The following SCD5 variants were observed in gnomAD, a reference collection of about 807,000 sequenced individuals.
SCD5 encodes the protein acyl-CoA-desaturase 4.
In SCD5, 20 loss-of-function variants were observed where a neutral mutation model predicts 30.4. That is an observed-to-expected ratio of 0.66 (90% CI 0.46 to 0.96). The LOEUF (loss-of-function observed/expected upper bound fraction) is 0.96. SCD5 is among the 40% of genes least tolerant of loss of function. SCD5 has a pLI of 0.00. For missense variants in SCD5, 381 were observed against 443.3 expected, an observed-to-expected ratio of 0.86 and a Z score of 1.26; for synonymous variants, 173 against 176.4, an observed-to-expected ratio of 0.98 and a Z score of 0.16.
At chr4:82,695,019 G>C (rs1719668402) in intron 2 of SCD5, among the ~76,000 whole-genome samples, 1 of 152,138 alleles carries the variant, frequency 6.6e-6, no homozygotes, top group Non-Finnish European at 1.5e-5. Context: ...CCCCACTACT[G>C]TTCTGCAGCC....
At chr4:82,764,969 C>G (rs562401266) in intron 1 of SCD5, among the ~76,000 whole-genome samples, 2 of 152,282 alleles carry the variant, frequency 1.3e-5, no homozygotes, top group Admixed American at 1.3e-4. Flanking sequence ...TCAGGTGATC[C>G]ACCCACCTTG....
At chr4:82,635,571 A>G (rs1007366161) in intron 4 of SCD5, among the ~76,000 whole-genome samples, 3 of 150,072 alleles carry the variant, frequency 2.0e-5, no homozygotes, top group Non-Finnish European at 4.4e-5. Flanking sequence ...CAGTGAGCCA[A>G]GATCACGCCA....
intron 2 of SCD5, among the ~76,000 whole-genome samples, chr4:82,690,951 T>G (rs1728819413): frequency 6.6e-6 from 1 of 152,242 alleles, no homozygotes; most frequent in Non-Finnish European, 1.5e-5. Flanking sequence ...ATTAGAGCTG[T>G]GAAGCCAATA....
chr4:82,707,963 C>T (rs951133520), intron 1 of SCD5, among the ~76,000 whole-genome samples: 23 of 152,128 alleles, frequency 1.5e-4, no homozygotes, highest in African/African-American at 5.6e-4. Context: ...CAATAGATAA[C>T]TTGAATACAA....
intron 1 of SCD5, among the ~76,000 whole-genome samples, chr4:82,788,842 G>A (rs764860997): frequency 3.3e-5 from 5 of 152,142 alleles, no homozygotes; most frequent in Non-Finnish European, 4.4e-5. Context: ...GAACTCTGGC[G>A]GCCACCTTGT....
chr4:82,779,088 C>T (rs1168754472), intron 1 of SCD5, among the ~76,000 whole-genome samples: 3 of 151,960 alleles, frequency 2.0e-5, no homozygotes, highest in Non-Finnish European at 4.4e-5. Context: ...TGGTCTCGAA[C>T]TCCCGACCTC....
chr4:82,726,751 CCT>C (rs772572176), intron 1 of SCD5, among the ~76,000 whole-genome samples: 2 of 152,114 alleles, frequency 1.3e-5, no homozygotes, highest in Non-Finnish European at 2.9e-5. Flanking sequence ...TTCTACACCC[CCT>C]GTGAGGCCAC....
chr4:82,660,803 G>C, intron 3 of SCD5: 1 of 1,606,344 alleles, frequency 6.2e-7, no homozygotes, highest in Non-Finnish European at 8.5e-7. Flanking sequence ...AAAAAGGCCT[G>C]GGTGTGGAGT....
chr4:82,784,506 G>A (rs1054403011), intron 1 of SCD5, among the ~76,000 whole-genome samples: 9 of 152,184 alleles, frequency 5.9e-5, no homozygotes, highest in Admixed American at 2.6e-4. Flanking sequence ...CTTTTTGGGG[G>A]GAGGAAATCG....
chr4:82,659,696 CTG>C (rs1162656714), intron 3 of SCD5, among the ~76,000 whole-genome samples: 7 of 152,130 alleles, frequency 4.6e-5, no homozygotes, highest in African/African-American at 1.7e-4. Context: ...GTCTGAAAGA[CTG>C]TTATGATTTC....
chr4:82,702,130 CTTTTTTTTTTTTTTTTT>C (rs10701664), intron 2 of SCD5, among the ~76,000 whole-genome samples: 3 of 64,072 alleles, frequency 4.7e-5, no homozygotes, highest in African/African-American at 1.7e-4. Context: ...CCATCATCAT[CTTTTTTTTTTTTTTTTT>C]TTTTTTTTTT....
Position 82,639,218 on chromosome 4 carries a change from G to C in SCD5, c.570-2395C>G, listed in dbSNP as rs191976021. ...ATGGCTGCATTTTAGTGGATAGTGG[G>C]TGCCTAGGAAGTCAAATGAGTGGGC... On this transcript the variant is annotated intron_variant, in intron 3 of 4. Coordinates refer to ENST00000319540, the MANE Select transcript of SCD5 (RefSeq NM_001037582.3). Among the ~76,000 whole-genome samples, 200 of 152,326 alleles carry C rather than the reference G, an allele frequency of 1.3e-3. 3 individuals carry two copies. Among genetic ancestry groups the C allele is most frequent in the Middle Eastern group, 6.8e-3 (2 of 294 alleles).
At chr4:82,647,034 A>C (rs1309704413) in intron 3 of SCD5, among the ~76,000 whole-genome samples, 1 of 152,204 alleles carries the variant, frequency 6.6e-6, no homozygotes, top group African/African-American at 2.4e-5. Flanking sequence ...CATGTTGGCC[A>C]GGCTGGTCTC....
chr4:82,706,898 G>A (rs1459816456), intron 1 of SCD5, among the ~76,000 whole-genome samples: 1 of 152,168 alleles, frequency 6.6e-6, no homozygotes. Flanking sequence ...GATTTCTGAC[G>A]CTTAAATTCT....
chr4:82,641,912 G>C (rs1727554775), intron 3 of SCD5, among the ~76,000 whole-genome samples: 1 of 152,088 alleles, frequency 6.6e-6, no homozygotes, highest in African/African-American at 2.4e-5. Flanking sequence ...CGATGTAGGG[G>C]AGAATGGAGG....
At chr4:82,766,626 T>C (rs544959557) in intron 1 of SCD5, among the ~76,000 whole-genome samples, 1 of 152,368 alleles carries the variant, frequency 6.6e-6, no homozygotes, top group East Asian at 1.9e-4. Flanking sequence ...TCCTGCTTCT[T>C]TGCATACCTT....
At chr4:82,753,276 T>C (rs1249573539) in intron 1 of SCD5, 1 of 486,172 alleles carries the variant, frequency 2.1e-6, no homozygotes, top group Non-Finnish European at 4.3e-6. Flanking sequence ...CCACATTCTC[T>C]AGATGGCTAT....
chr4:82,674,632 A>G (rs1444701485), intron 3 of SCD5, among the ~76,000 whole-genome samples: 1 of 152,210 alleles, frequency 6.6e-6, no homozygotes. Context: ...GTATTTACCC[A>G]AAGGAGTTGA....
intron 2 of SCD5, among the ~76,000 whole-genome samples, chr4:82,688,174 A>T (rs1029924118): frequency 1.3e-5 from 2 of 152,334 alleles, no homozygotes; most frequent in African/African-American, 4.8e-5. Flanking sequence ...TGTATTCATA[A>T]CACATCTTTG....
Sources: allele counts gnomAD v4.1 joint callset (sites outside exome capture counted in the v4.1 genomes callset), GRCh38; gene constraint gnomAD v4.1.1; transcripts MANE v1.5; gene names NCBI Gene and HGNC (gene_info 2026-07-23, HGNC 2026-07-21).